The following DAW1 variants were observed in gnomAD, a reference collection of about 807,000 sequenced individuals.
DAW1 encodes the protein dynein assembly factor with WD repeat domains 1.
A neutral mutation model predicts 56.5 loss-of-function variants in DAW1; 47 were observed. The observed-to-expected ratio is 0.83, with a 90% CI of 0.66 to 1.06. DAW1 has a LOEUF of 1.06. Ranked by LOEUF, DAW1 falls within the 50% of genes least tolerant of loss-of-function variation. DAW1 has a pLI of 0.00. For missense variants in DAW1, 505 were observed against 499.3 expected, an observed-to-expected ratio of 1.01 and a Z score of -0.11; for synonymous variants, 190 against 179.0, an observed-to-expected ratio of 1.06 and a Z score of -0.49.
At chr2:227,876,969 T>G (rs1017032221) in intron 1 of DAW1, among the ~76,000 whole-genome samples, 1 of 152,208 alleles carries the variant, frequency 6.6e-6, no homozygotes, top group Non-Finnish European at 1.5e-5. Context: ...TTCTGTTGAT[T>G]GAATATATAA....
rs542281744 is a variant in DAW1 at position 227,919,565 on chromosome 2, G to A, written c.1050+709G>A. On this transcript the variant is annotated intron_variant, in intron 11 of 12. Transcript: ENST00000309931. ...AGTGTTCTGTAAGTTAGATGCAATT[G>A]AGGAAGTAGTTCCTGGAAATATGTA... is the stretch of plus-strand genomic sequence containing the variant. Among the ~76,000 whole-genome samples, 18 of 152,292 alleles carry A rather than the reference G, an allele frequency of 1.2e-4. No individual in the cohort carries two copies. In the South Asian group the frequency reaches 3.5e-3, roughly 30 times the overall value.
chr2:227,898,066 C>T, intron 5 of DAW1, 116 bp from the exon 6 acceptor site: 1 of 473,108 alleles, frequency 2.1e-6, no homozygotes, highest in Non-Finnish European at 3.3e-6. Context: ...TTTAAGATTG[C>T]TTATAGCTTT....
intron 10 of DAW1, among the ~76,000 whole-genome samples, chr2:227,909,053 T>C (rs1996959): frequency 0.49 from 73,669 of 151,872 alleles, 18,342 homozygotes; most frequent in Middle Eastern, 0.63. Flanking sequence ...TTTATAATAA[T>C]GTATGATACT....
chr2:227,886,823 AAG>A lies in DAW1; in HGVS notation c.113+1407_113+1408del, dbSNP rs575935106. Among the ~76,000 whole-genome samples, 246 of 152,338 alleles carry A rather than the reference AAG, an allele frequency of 1.6e-3. 1 individual carries two copies. The highest frequency in any genetic ancestry group is 5.5e-3 in the African/African-American group (230 of 41,578). On this transcript the variant is annotated intron_variant, in intron 2 of 12. Coordinates refer to ENST00000309931, the MANE Select transcript of DAW1 (RefSeq NM_178821.3). ...AACAAACAAACAAACATCCTACTTC[AAG>A]AGAGAGTCAGACTAGTGATTATCCT...
At chr2:227,899,563 G>A (rs1028144842) in intron 6 of DAW1, among the ~76,000 whole-genome samples, 6 of 152,232 alleles carry the variant, frequency 3.9e-5, no homozygotes, top group Non-Finnish European at 5.9e-5. Flanking sequence ...GACATAAAAA[G>A]AATGTGCTAA....
chr2:227,892,195 C>T (rs1354773375), intron 4 of DAW1, among the ~76,000 whole-genome samples: 1 of 151,772 alleles, frequency 6.6e-6, no homozygotes, highest in African/African-American at 2.4e-5. Context: ...TGCAATGGCA[C>T]GATCTTGGCT....
At chr2:227,906,099 A>G (rs1268257749) in intron 8 of DAW1, 137 bp from the exon 9 acceptor site, 2 of 574,878 alleles carry the variant, frequency 3.5e-6, no homozygotes, top group Non-Finnish European at 5.8e-6. Flanking sequence ...TAGTAGAGCC[A>G]TATTTGTCAT....
At chr2:227,890,638 C>T (rs1174308148) in intron 3 of DAW1, among the ~76,000 whole-genome samples, 1 of 152,110 alleles carries the variant, frequency 6.6e-6, no homozygotes. Context: ...TCCAGGCATT[C>T]GTTTCTGGAA....
intron 10 of DAW1, among the ~76,000 whole-genome samples, chr2:227,918,171 T>TCATCCATCCATCCATCCATC (rs60074089): frequency 3.2e-5 from 4 of 124,116 alleles, no homozygotes; most frequent in Non-Finnish European, 5.2e-5. Context: ...CATCCATCCA[T>TCATCCATCCATCCATCCATC]CATCCATCCA....
rs543959634 is a variant in DAW1, at chr2:227,891,721, C to A, written c.317+408C>A. On this transcript the variant is annotated intron_variant, in intron 4 of 12. Coordinates refer to ENST00000309931, the MANE Select transcript of DAW1 (RefSeq NM_178821.3). ...TGGCTGTGATCAGCTTGGGAGCTGA[C>A]GTGCTAGGTAGGAGAGATGAGGGAG... Among the ~76,000 whole-genome samples the A allele has an allele frequency of 3.6e-4, 55 of 152,256 alleles. 1 individual carries two copies. The Middle Eastern group carries it at 0.024, about 66-fold the overall frequency.
rs750515530 is a variant in DAW1 at position 227,923,929 on chromosome 2, A to G, written c.1214-5A>G. The G allele has an allele frequency of 5.6e-6, 9 of 1,613,854 alleles. No individual in the cohort carries two copies. In the African/African-American group the frequency reaches 1.2e-4, roughly 22 times the overall value. ...AAAATAACTGCATGAAATCTGTTTTATTAGGCAGCAAGGATAATACCTGTA... is the reference window on the plus strand; with the variant it reads ...AAAATAACTGCATGAAATCTGTTTTGTTAGGCAGCAAGGATAATACCTGTA... On this transcript the variant is annotated splice_polypyrimidine_tract_variant and splice_region_variant and intron_variant, in intron 12 of 12. Coordinates refer to ENST00000309931, the MANE Select transcript of DAW1 (RefSeq NM_178821.3).
At chr2:227,910,876 G>A (rs1482097213) in intron 10 of DAW1, among the ~76,000 whole-genome samples, 3 of 151,916 alleles carry the variant, frequency 2.0e-5, no homozygotes, top group Non-Finnish European at 4.4e-5. Flanking sequence ...TATCTGTGTC[G>A]AATCCATGGT....
In DAW1 at chr2:227,875,977, G is replaced by A. The variant is rs1013912925; in HGVS notation, c.40+4248G>A. On this transcript the variant is annotated intron_variant, in intron 1 of 12. Transcript: ENST00000309931. ...CCTGAAGTGTGAAAGGGCCAGATAA[G>A]TGATCTTTGATCTACTTCAGCTCTA... Among the ~76,000 whole-genome samples the A allele has an allele frequency of 7.2e-5, 11 of 151,934 alleles. 1 individual carries two copies. Among genetic ancestry groups the A allele is most frequent in the African/African-American group, 2.7e-4 (11 of 41,420 alleles).
At chr2:227,897,605 G>C (rs1179511297) in intron 5 of DAW1, among the ~76,000 whole-genome samples, 1 of 152,154 alleles carries the variant, frequency 6.6e-6, no homozygotes, top group East Asian at 1.9e-4. Flanking sequence ...GTTGATGTTA[G>C]CTCTGCCCCG....
chr2:227,910,984 A>C (rs1477208910), intron 10 of DAW1, among the ~76,000 whole-genome samples: 2 of 151,978 alleles, frequency 1.3e-5, no homozygotes, highest in East Asian at 1.9e-4. Context: ...AAACTATGCT[A>C]TGTGTCATCT....
rs188419706 is a variant in DAW1, at chr2:227,876,565, A to T, written c.40+4836A>T. On this transcript the variant is annotated intron_variant, in intron 1 of 12. Transcript: ENST00000309931. ...ACTGAATCATTCCCGTGCTACCTTT[A>T]TCCCTTCTGCATATAGAGCAGTTTT... The T allele has an allele frequency of 1.7e-4, 210 of 1,229,128 alleles. No individual in the cohort carries two copies. The African/African-American group carries it at 2.9e-3, about 17-fold the overall frequency. The allele number at this position is 1,229,128 out of a possible 1,614,324, so 76.1% of individuals were successfully genotyped here.
Position 227,907,199 on chromosome 2 carries a change from T to C in DAW1, c.920T>C (p.Leu307Pro). Residue 307 changes from leucine (L) to proline (P), a missense_variant, in exon 10 of 13, where the codon CTA becomes CCA. Leu to Pro is a moderately conservative substitution (Grantham distance 98, BLOSUM62 -3). Transcript: ENST00000309931. ...TTAACAGGCCATGATGATGAAATACTAGACAGCTGCTTTGATTACACTGGA... is the reference window on the plus strand; with the variant it reads ...TTAACAGGCCATGATGATGAAATACCAGACAGCTGCTTTGATTACACTGGA... Reference protein sequence around the residue: ...ATLTGHDDEILDSCFDYTGKL... With the variant: ...ATLTGHDDEIPDSCFDYTGKL... 1 of 1,613,798 alleles carries C rather than the reference T, an allele frequency of 6.2e-7. No individual in the cohort carries two copies. The highest frequency in any genetic ancestry group is 8.5e-7 in the Non-Finnish European group (1 of 1,179,896).
At chr2:227,917,551 C>A (rs1054153346) in intron 10 of DAW1, among the ~76,000 whole-genome samples, 1 of 147,488 alleles carries the variant, frequency 6.8e-6, no homozygotes, top group Admixed American at 6.7e-5. Context: ...TGAGCCACTG[C>A]GCCCAGCCGA....
chr2:227,916,094 A>G (rs1691947354), intron 10 of DAW1, among the ~76,000 whole-genome samples: 1 of 152,150 alleles, frequency 6.6e-6, no homozygotes. Context: ...ATGCAACATT[A>G]TGTCTTCATT....
Sources: allele counts gnomAD v4.1 joint callset (sites outside exome capture counted in the v4.1 genomes callset), GRCh38; gene constraint gnomAD v4.1.1; transcripts MANE v1.5; gene names NCBI Gene and HGNC (gene_info 2026-07-23, HGNC 2026-07-21).